PCNT: variants seen among roughly 807,000 people sequenced by gnomAD.
PCNT encodes the protein kendrin.
PCNT carries 319 observed loss-of-function variants against 380.4 expected under a neutral mutation model. That is an observed-to-expected ratio of 0.84 (90% CI 0.77 to 0.92). PCNT has a LOEUF of 0.92. Ranked by LOEUF, PCNT falls within the 40% of genes least tolerant of loss-of-function variation. The probability of loss-of-function intolerance (pLI) is 0.00; values close to 1 mark genes in which losing one functional copy is unlikely to be tolerated. For missense variants in PCNT, 4,400 were observed against 4,255.3 expected (o/e 1.03, Z -0.95); for synonymous variants, 1,845 against 1,735.2 (o/e 1.06, Z -1.57).
chr21:46,436,833 T>G, intron 39 of PCNT, 146 bp from the exon 40 acceptor site: 1 of 704,704 alleles, frequency 1.4e-6, no homozygotes, highest in Non-Finnish European at 2.5e-6. Context: ...GGCCCCTGGC[T>G]CTGCCTCACG....
At chr21:46,431,019 G>A (rs559144862) in intron 37 of PCNT, 1 of 985,460 alleles carries the variant, frequency 1.0e-6, no homozygotes, top group South Asian at 4.7e-5. Context: ...GCTTTGCATG[G>A]CGGAGGCCCA....
At chr21:46,431,388 G>T (rs2087756214) in intron 37 of PCNT, 141 bp from the exon 38 acceptor site, 3 of 1,489,906 alleles carry the variant, frequency 2.0e-6, no homozygotes, top group Non-Finnish European at 1.8e-6. Context: ...AAAAAATGTT[G>T]TCCCTACATG....
At chr21:46,377,894 T>C (rs370460383) in intron 15 of PCNT, among the ~76,000 whole-genome samples, 1 of 98,802 alleles carries the variant, frequency 1.0e-5, no homozygotes, top group African/African-American at 5.8e-5. Context: ...CTCCCCATTC[T>C]CCCTTCTCCC....
At chr21:46,357,448 T>A (rs2084518444) in intron 13 of PCNT, among the ~76,000 whole-genome samples, 1 of 152,158 alleles carries the variant, frequency 6.6e-6, no homozygotes, top group South Asian at 2.1e-4. Flanking sequence ...TTTCTTTTTG[T>A]TTTGTTTTGT....
At position 46,440,950 on chromosome 21, in the gene PCNT, C is replaced by T. The variant is rs757557874; in HGVS notation, c.9489C>T (p.Phe3163=). The change falls in exon 43 of 47, where the codon TTC becomes TTT. Residue 3163 remains phenylalanine (F), a synonymous_variant. Coordinates refer to ENST00000359568, the MANE Select transcript of PCNT (RefSeq NM_006031.6). The part of the protein sequence containing the change: ...KKYLLLLIGG[F]QDSEQETLSM... ...ATCTTTTGCTGTTGATTGGTGGATT[C>T]CAGGATTCTGAACAAGAAACACTCT... The T allele has an allele frequency of 4.0e-5, 65 of 1,613,294 alleles. No homozygotes were observed. Among genetic ancestry groups the T allele is most frequent in the Non-Finnish European group, 5.2e-5 (61 of 1,179,240 alleles).
chr21:46,408,274 A>C (rs547237106), intron 27 of PCNT, among the ~76,000 whole-genome samples: 1 of 152,270 alleles, frequency 6.6e-6, no homozygotes, highest in Non-Finnish European at 1.5e-5. Flanking sequence ...GTCTGGATGG[A>C]CCACAGTTTG....
At position 46,416,241 on chromosome 21, in the gene PCNT, G is replaced by A. The variant is rs2087021532; in HGVS notation, c.6323G>A (p.Ser2108Asn). The A allele has an allele frequency of 2.5e-6, 4 of 1,614,198 alleles. No individual in the cohort carries two copies. The highest frequency in any genetic ancestry group is 2.5e-6 in the Non-Finnish European group (3 of 1,180,032). The change falls in exon 30 of 47, where the codon AGC (serine) becomes AAC (asparagine). Residue 2108 changes from serine (S) to asparagine (N), a missense_variant. Physicochemically the swap from Ser to Asn is conservative, Grantham distance 46 (BLOSUM62 1). Coordinates refer to ENST00000359568, the MANE Select transcript of PCNT (RefSeq NM_006031.6). ...ATGGCCTCAGCACACCTGTTGGAGA[G>A]CAGCTGGAGTGATGATTCCTGTGAC... ...WPMASAHLLE[S>N]SWSDDSCDGE...
rs757651507 is a variant in PCNT at position 46,366,874 on chromosome 21, G to A, written c.2900G>A (p.Ser967Asn). Residue 967 changes from serine (S) to asparagine (N), a missense_variant, in exon 15 of 47, where the codon AGC (serine) becomes AAC (asparagine). Coordinates refer to ENST00000359568, the MANE Select transcript of PCNT (RefSeq NM_006031.6). ...LGALETRHLSSLDSLESCYLS... is the reference protein window; with the variant it reads ...LGALETRHLSNLDSLESCYLS... The stretch of plus-strand genomic sequence containing the variant: ...GCTCTGGAGACCAGACATCTGTCCA[G>A]CCTTGATTCTTTGGAATCCTGTTAC... 10 of 1,614,042 alleles carry A rather than the reference G, an allele frequency of 6.2e-6. No individual in the cohort carries two copies. The highest frequency in any genetic ancestry group is 8.5e-6 in the Non-Finnish European group (10 of 1,180,052).
In PCNT at chr21:46,324,294, G is replaced by A. The variant is rs1265911199; in HGVS notation, c.54+12G>A. 6.2e-7 allele frequency: 1 copy of A among 1,603,262 alleles called. No homozygotes were observed. Among genetic ancestry groups the A allele is most frequent in the Non-Finnish European group, 8.5e-7 (1 of 1,173,284 alleles). On this transcript the variant is annotated intron_variant, in intron 1 of 46. Transcript: ENST00000359568. ...CCGGGAGGACGAAGGTAAACATTAG[G>A]GGCTTCTTCTCTAGCTGCTCTGGCG...
At chr21:46,368,623 C>T (rs922640790) in intron 15 of PCNT, among the ~76,000 whole-genome samples, 2 of 152,226 alleles carry the variant, frequency 1.3e-5, no homozygotes, top group African/African-American at 4.8e-5. Flanking sequence ...TGTGCTTTCT[C>T]TGCCCTCAGT....
chr21:46,394,679 A>G (rs1327750061), intron 21 of PCNT: 2 of 203,866 alleles, frequency 9.8e-6, no homozygotes, highest in African/African-American at 4.7e-5. Context: ...CAGTATTCAT[A>G]AAAATGGGTG....
chr21:46,337,350 A>G (rs1290544074), intron 3 of PCNT, among the ~76,000 whole-genome samples: 1 of 152,198 alleles, frequency 6.6e-6, no homozygotes, highest in Non-Finnish European at 1.5e-5. Context: ...CACATCATAT[A>G]AGAAACAAAT....
chr21:46,384,778 T>G (rs530666044), intron 16 of PCNT, among the ~76,000 whole-genome samples: 1 of 141,810 alleles, frequency 7.1e-6, no homozygotes, highest in East Asian at 1.9e-4. Context: ...TTGTGCGTAG[T>G]TCAGTGGCGG....
At position 46,398,120 on chromosome 21, in the gene PCNT, G is replaced by A. The variant is rs1054727237; in HGVS notation, c.4553G>A (p.Arg1518His). 13 of 1,605,866 alleles carry A rather than the reference G, an allele frequency of 8.1e-6. No homozygotes were observed. Among genetic ancestry groups the A allele is most frequent in the Non-Finnish European group, 1.1e-5 (13 of 1,176,996 alleles). The change falls in exon 23 of 47, where the codon CGC becomes CAC. Residue 1518 changes from arginine (R) to histidine (H), a missense_variant. Transcript: ENST00000359568. ...GCCAAGCCGCAGCCCTGGGGCCCTCGCGACAGCCAGGTGAGTCAGTGCAGC... is the reference window on the plus strand; with the variant it reads ...GCCAAGCCGCAGCCCTGGGGCCCTCACGACAGCCAGGTGAGTCAGTGCAGC... ...QAAKPQPWGPRDSQQAPLDGE... is the reference protein window; with the variant it reads ...QAAKPQPWGPHDSQQAPLDGE...
In PCNT at chr21:46,411,475, C is replaced by A. The variant is rs759289691; in HGVS notation, c.5402C>A (p.Ala1801Asp). The change falls in exon 28 of 47, where the codon GCC (alanine) becomes GAC (aspartate). Residue 1801 changes from alanine (A) to aspartate (D), a missense_variant. Ala to Asp is a moderately radical substitution (Grantham distance 126). Coordinates refer to ENST00000359568, the MANE Select transcript of PCNT (RefSeq NM_006031.6). ...ELEAALEAKE[A>D]LSRLLADQER... is the part of the protein sequence containing the mutation. Reference sequence around the variant, plus strand: ...GAGGCTGCGCTGGAAGCCAAGGAGGCCCTGAGCCGGCTGCTGGCTGACCAG... The same window carrying A: ...GAGGCTGCGCTGGAAGCCAAGGAGGACCTGAGCCGGCTGCTGGCTGACCAG... 1.2e-6 allele frequency: 2 copies of A among 1,609,664 alleles called. No homozygotes were observed. The highest frequency in any genetic ancestry group is 4.5e-5 in the East Asian group (2 of 44,810).
intron 41 of PCNT, among the ~76,000 whole-genome samples, chr21:46,439,619 TTGGTA>T (rs2053554724): frequency 1.3e-5 from 2 of 152,210 alleles, no homozygotes; most frequent in African/African-American, 4.8e-5. Context: ...AAGCACACGT[TTGGTA>T]CAGACACATC....
At chr21:46,417,818 A>G (rs929895469) in intron 30 of PCNT, among the ~76,000 whole-genome samples, 2 of 152,170 alleles carry the variant, frequency 1.3e-5, no homozygotes, top group Admixed American at 1.3e-4. Context: ...CAGGAGGATC[A>G]CTTGACCTTG....
chr21:46,432,482 G>C (rs2087810646), intron 38 of PCNT, among the ~76,000 whole-genome samples: 1 of 152,226 alleles, frequency 6.6e-6, no homozygotes, highest in Admixed American at 6.5e-5. Context: ...ACAGGAATTT[G>C]AGGATTGGTG....
At chr21:46,409,374 A>G (rs1488359912) in intron 27 of PCNT, among the ~76,000 whole-genome samples, 3 of 151,658 alleles carry the variant, frequency 2.0e-5, no homozygotes, top group Non-Finnish European at 4.4e-5. Context: ...TTTTTAGTAG[A>G]GACGGGGTTT....
Sources: gnomAD v4.1 joint callset for allele counts (sites outside exome capture counted in the v4.1 genomes callset) on GRCh38, gnomAD v4.1.1 for gene constraint, MANE v1.5 for transcripts, NCBI Gene and HGNC (gene_info 2026-07-23, HGNC 2026-07-21) for gene names.